CCNY: variants seen among roughly 807,000 people sequenced by gnomAD.
CCNY encodes the protein cyclin Y, also known as cyclin-Y.
In CCNY, 19 loss-of-function variants were observed where a neutral mutation model predicts 42.8. That is an observed-to-expected ratio of 0.44 (90% CI 0.31 to 0.65). The LOEUF is 0.65. CCNY is among the 30% of genes least tolerant of loss of function. The probability of loss-of-function intolerance (pLI) is 0.07; values close to 1 mark genes in which losing one functional copy is unlikely to be tolerated. For missense variants in CCNY, 370 were observed against 437.3 expected, an observed-to-expected ratio of 0.85 and a Z score of 1.37; for synonymous variants, 165 against 162.7, an observed-to-expected ratio of 1.01 and a Z score of -0.11.
upstream of CCNY, among the ~76,000 whole-genome samples, chr10:35,331,810 T>C (rs1835947560): frequency 2.0e-5 from 3 of 152,260 alleles, no homozygotes; most frequent in Admixed American, 1.3e-4. Flanking sequence ...GCCCAGGCGA[T>C]AAATGTAGGT....
chr10:35,504,785 C>T (rs568045318), intron 3 of CCNY, among the ~76,000 whole-genome samples: 12 of 152,090 alleles, frequency 7.9e-5, no homozygotes, highest in Admixed American at 4.6e-4. Flanking sequence ...TAAAAGCATG[C>T]GCCACCATAC....
intron 3 of CCNY, among the ~76,000 whole-genome samples, chr10:35,266,541 A>G (rs1264519964): frequency 6.6e-6 from 1 of 151,926 alleles, no homozygotes; most frequent in Non-Finnish European, 1.5e-5. Flanking sequence ...TTACTTCCCC[A>G]TATAGAGGAT....
Position 35,402,903 on chromosome 10 carries a change from G to A in CCNY, c.154+65696G>A, listed in dbSNP as rs187502991. ...TAAAGGCCCGTCCGTTAATGGGACT[G>A]TATAGAGGTGGGAAGGCTAAACTGA... On this transcript the variant is annotated intron_variant, in intron 1 of 9. Coordinates refer to ENST00000374704, the MANE Select transcript of CCNY (RefSeq NM_145012.6). Among the ~76,000 whole-genome samples, 28 of 152,288 alleles carry A rather than the reference G, an allele frequency of 1.8e-4. No homozygotes were observed. The East Asian group carries it at 4.6e-3, about 25-fold the overall frequency.
At chr10:35,496,825 G>A (rs1264530718) in intron 2 of CCNY, among the ~76,000 whole-genome samples, 1 of 152,178 alleles carries the variant, frequency 6.6e-6, no homozygotes, top group Non-Finnish European at 1.5e-5. Flanking sequence ...AGAGTCACTT[G>A]TGTGACATTG....
At chr10:35,364,856 A>G (rs1836775192) in intron 1 of CCNY, among the ~76,000 whole-genome samples, 1 of 152,236 alleles carries the variant, frequency 6.6e-6, no homozygotes, top group Non-Finnish European at 1.5e-5. Flanking sequence ...TCTGATTGGG[A>G]AATGGTTCTA....
At chr10:35,262,257 CAAAAAAAAAAA>C (rs1184383605) in intron 3 of CCNY, among the ~76,000 whole-genome samples, 1 of 25,088 alleles carries the variant, frequency 4.0e-5, no homozygotes, top group African/African-American at 1.5e-4. Context: ...AACTCTGTCT[CAAAAAAAAAAA>C]AAAAAAAAAA....
At chr10:35,543,091 G>A (rs1223013599) in intron 7 of CCNY, among the ~76,000 whole-genome samples, 1 of 152,166 alleles carries the variant, frequency 6.6e-6, no homozygotes, top group Admixed American at 6.5e-5. Flanking sequence ...AAAAATTTCA[G>A]TAAAGAATGC....
chr10:35,325,383 G>T (rs1221005067), intron 3 of CCNY, among the ~76,000 whole-genome samples: 1 of 151,808 alleles, frequency 6.6e-6, no homozygotes, highest in Non-Finnish European at 1.5e-5. Context: ...TCACCACGTT[G>T]GCCAGGCTGG....
rs377365661 is a variant in CCNY, at chr10:35,483,444, C to A, written c.195C>A (p.Ala65=). The A allele has an allele frequency of 6.2e-7, 1 of 1,609,186 alleles. No homozygotes were observed. The highest frequency in any genetic ancestry group is 1.3e-5 in the African/African-American group (1 of 74,772). ...MEFNPSDHPR[A]STIFLSKSQT... ...TCAATCCTTCAGATCATCCTCGGGC[C>A]AGCACAATATTCCTCAGTAAATCTC... Residue 65 remains alanine, a synonymous_variant, in exon 2 of 10, where the codon GCC becomes GCA. Coordinates refer to ENST00000374704, the MANE Select transcript of CCNY (RefSeq NM_145012.6).
chr10:35,292,247 A>G (rs1363646866), intron 3 of CCNY, among the ~76,000 whole-genome samples: 6 of 152,164 alleles, frequency 3.9e-5, no homozygotes, highest in Admixed American at 2.6e-4. Context: ...TATATATTCT[A>G]TATACAAGCC....
chr10:35,275,820 A>T (rs1043527023), intron 3 of CCNY, among the ~76,000 whole-genome samples: 1 of 152,040 alleles, frequency 6.6e-6, no homozygotes, highest in African/African-American at 2.4e-5. Flanking sequence ...AGGAATGACC[A>T]CTGGGCAGGT....
intron 1 of CCNY, among the ~76,000 whole-genome samples, chr10:35,479,772 A>T (rs561362589): frequency 2.0e-5 from 3 of 152,178 alleles, no homozygotes; most frequent in East Asian, 3.9e-4. Flanking sequence ...AATAAAAAAA[A>T]AAGAAAAACA....
chr10:35,505,393 G>A (rs905088512), intron 3 of CCNY, among the ~76,000 whole-genome samples: 1 of 151,540 alleles, frequency 6.6e-6, no homozygotes, highest in Admixed American at 6.6e-5. Flanking sequence ...ATTCTGTGTA[G>A]TGTGATCCTC....
chr10:35,571,595 C>T lies in CCNY; in HGVS notation c.*2425C>T, dbSNP rs957219207. 6.6e-6 allele frequency: 1 copy of T among 152,356 alleles called. No individual in the cohort carries two copies. Among genetic ancestry groups the T allele is most frequent in the Non-Finnish European group, 1.5e-5 (1 of 68,042 alleles). The allele number at this position is 152,356 out of a possible 1,614,324, so 9.4% of individuals were successfully genotyped here. A position where few individuals can be genotyped will look rare whatever the true frequency, so the allele number is the denominator to read the frequency against. On this transcript the variant is annotated 3_prime_UTR_variant, in exon 10 of 10. Coordinates refer to ENST00000374704, the MANE Select transcript of CCNY (RefSeq NM_145012.6). ...TACTGGCAGGATGAATCACTTGACA[C>T]ATAGGTAGATACTTGAGGTTCATTT...
At chr10:35,479,024 A>G (rs1021972710) in intron 1 of CCNY, among the ~76,000 whole-genome samples, 3 of 152,230 alleles carry the variant, frequency 2.0e-5, no homozygotes, top group African/African-American at 7.2e-5. Flanking sequence ...ATCACTGGCC[A>G]TCAGAGAAAT....
chr10:35,456,434 A>G (rs1839036580), intron 1 of CCNY, among the ~76,000 whole-genome samples: 1 of 152,216 alleles, frequency 6.6e-6, no homozygotes, highest in Admixed American at 6.5e-5. Flanking sequence ...GTTTTAATTC[A>G]GGTTTTATTA....
At chr10:35,520,768 C>T (rs1281860857) in intron 4 of CCNY, among the ~76,000 whole-genome samples, 1 of 152,124 alleles carries the variant, frequency 6.6e-6, no homozygotes, top group African/African-American at 2.4e-5. Context: ...ATTTTGAGAA[C>T]TTGATTTTCC....
chr10:35,363,411 C>T (rs1274234835), intron 1 of CCNY, among the ~76,000 whole-genome samples: 2 of 149,926 alleles, frequency 1.3e-5, no homozygotes, highest in Non-Finnish European at 2.9e-5. Context: ...AGGTGCTCCT[C>T]TCTTCCCAGA....
At chr10:35,484,878 C>CTT (rs1332453126) in intron 2 of CCNY, among the ~76,000 whole-genome samples, 5 of 152,194 alleles carry the variant, frequency 3.3e-5, no homozygotes, top group Admixed American at 3.3e-4. Flanking sequence ...CATTAGGCCT[C>CTT]TAAGTGGATT....
Sources: allele counts gnomAD v4.1 joint callset (sites outside exome capture counted in the v4.1 genomes callset), GRCh38; gene constraint gnomAD v4.1.1; transcripts MANE v1.5; gene names NCBI Gene and HGNC (gene_info 2026-07-23, HGNC 2026-07-21).